The following ATP8B4 variants were observed in gnomAD, a reference collection of about 807,000 sequenced individuals.
ATP8B4 encodes the protein probable phospholipid-transporting ATPase IM.
ATP8B4 carries 133 observed loss-of-function variants against 145.6 expected under a neutral mutation model. The observed-to-expected ratio is 0.91, with a 90% CI of 0.79 to 1.05. ATP8B4 has a LOEUF of 1.05. Among genes scored for constraint, ATP8B4 ranks in the 50% least tolerant of loss-of-function variants. The pLI is 0.00. For synonymous variants in ATP8B4, 507 were observed against 492.9 expected, an observed-to-expected ratio of 1.03 and a Z score of -0.38; for missense variants, 1,458 against 1,425.2, an observed-to-expected ratio of 1.02 and a Z score of -0.37.
At chr15:49,879,515 TCA>T in intron 23 of ATP8B4, 56 bp from the exon 24 acceptor site, 1 of 1,457,108 alleles carries the variant, frequency 6.9e-7, no homozygotes, top group Non-Finnish European at 9.4e-7. Flanking sequence ...GTGAGAATAT[TCA>T]CATTTAGGTT....
At chr15:49,939,586 G>C (rs1472589353) in intron 14 of ATP8B4, among the ~76,000 whole-genome samples, 1 of 152,092 alleles carries the variant, frequency 6.6e-6, no homozygotes, top group Admixed American at 6.6e-5. Flanking sequence ...CCAATATTGA[G>C]TTCTGAAATT....
intron 13 of ATP8B4, among the ~76,000 whole-genome samples, chr15:49,965,283 G>A (rs2044424353): frequency 6.6e-6 from 1 of 152,186 alleles, no homozygotes; most frequent in Non-Finnish European, 1.5e-5. Context: ...TCTTAGTTTT[G>A]TTCAGGGTCA....
At chr15:49,895,448 G>A (rs879698604) in intron 23 of ATP8B4, 1 of 152,152 alleles carries the variant, frequency 6.6e-6, no homozygotes, top group African/African-American at 2.4e-5. Context: ...GGTCAACTGG[G>A]ACTAACAATA....
chr15:49,862,458 TC>T, intron 26 of ATP8B4, 83 bp from the exon 27 acceptor site: 1 of 1,407,656 alleles, frequency 7.1e-7, no homozygotes, highest in South Asian at 1.3e-5. Context: ...TCCTACAAGA[TC>T]TTTTTTTTTT....
At chr15:50,041,222 C>T (rs779235101) in intron 5 of ATP8B4, among the ~76,000 whole-genome samples, 16 of 152,186 alleles carry the variant, frequency 1.1e-4, no homozygotes, top group African/African-American at 3.1e-4. Context: ...AAAAACCACA[C>T]ATTTACTCCA....
intron 1 of ATP8B4, among the ~76,000 whole-genome samples, chr15:50,169,144 C>G (rs975439565): frequency 1.2e-4 from 18 of 152,212 alleles, no homozygotes; most frequent in African/African-American, 4.1e-4. Flanking sequence ...GTTCTAGGGC[C>G]CTGCCCACCA....
At chr15:49,984,098 T>G (rs2046388979) in intron 10 of ATP8B4, among the ~76,000 whole-genome samples, 2 of 152,250 alleles carry the variant, frequency 1.3e-5, no homozygotes, top group African/African-American at 2.4e-5. Context: ...ATTTCACCTA[T>G]AATCTCAGCT....
intron 1 of ATP8B4, among the ~76,000 whole-genome samples, chr15:50,114,103 CTTTTTTTTTTTTT>C (rs755159123): frequency 5.4e-5 from 3 of 55,644 alleles, no homozygotes; most frequent in African/African-American, 2.0e-4. Flanking sequence ...CTCCTAGTTT[CTTTTTTTTTTTTT>C]TTTTTTTTTT....
rs2046123019 is a variant in ATP8B4, at chr15:49,981,205, C to A, written c.837+1G>T. ...TGATATTGCCTAGTTTTGTAACTTA[C>A]CCATAGTACTAGAGTATTCATCAAT... On this transcript the variant is annotated splice_donor_variant, in intron 11 of 27. Coordinates refer to ENST00000284509, the MANE Select transcript of ATP8B4 (RefSeq NM_024837.4). LOFTEE classifies it high-confidence loss of function. 3 of 1,579,176 alleles carry A rather than the reference C, an allele frequency of 1.9e-6. No homozygotes were observed. Among genetic ancestry groups the A allele is most frequent in the Non-Finnish European group, 2.6e-6 (3 of 1,152,656 alleles).
chr15:49,982,007 A>G (rs149490687), intron 10 of ATP8B4, among the ~76,000 whole-genome samples: 679 of 152,330 alleles, frequency 4.5e-3, no homozygotes, highest in South Asian at 0.013. Flanking sequence ...AATATTGTTA[A>G]AGAAATTCCT....
At chr15:49,969,182 A>G (rs2044842885) in intron 13 of ATP8B4, among the ~76,000 whole-genome samples, 1 of 152,246 alleles carries the variant, frequency 6.6e-6, no homozygotes, top group Non-Finnish European at 1.5e-5. Context: ...GGAAAGATCT[A>G]AAATTGACAT....
intron 14 of ATP8B4, among the ~76,000 whole-genome samples, chr15:49,950,190 G>A (rs1247592108): frequency 3.9e-5 from 6 of 152,142 alleles, no homozygotes; most frequent in Non-Finnish European, 8.8e-5. Flanking sequence ...GAGTATGGAG[G>A]AGTCCCTCCT....
intron 2 of ATP8B4, among the ~76,000 whole-genome samples, chr15:50,089,440 C>G (rs1185011151): frequency 6.6e-6 from 1 of 151,998 alleles, no homozygotes; most frequent in Admixed American, 6.6e-5. Context: ...AAGAAAAAAG[C>G]AAACAACCAC....
chr15:50,158,599 A>T (rs2044467274), intron 1 of ATP8B4, among the ~76,000 whole-genome samples: 1 of 152,208 alleles, frequency 6.6e-6, no homozygotes, highest in South Asian at 2.1e-4. Flanking sequence ...CCCGTCTGGG[A>T]GGTATACCCA....
chr15:50,107,891 A>G (rs1204861515), intron 1 of ATP8B4, among the ~76,000 whole-genome samples: 1 of 152,162 alleles, frequency 6.6e-6, no homozygotes, highest in African/African-American at 2.4e-5. Context: ...AAGTTCATCA[A>G]CACGCACTGC....
At chr15:50,108,182 A>G (rs1386627446) in intron 1 of ATP8B4, among the ~76,000 whole-genome samples, 1 of 151,316 alleles carries the variant, frequency 6.6e-6, no homozygotes, top group South Asian at 2.1e-4. Context: ...GCTGCCCAAG[A>G]CCATCCCTCC....
At chr15:49,887,651 C>T (rs2036352337) in intron 23 of ATP8B4, among the ~76,000 whole-genome samples, 1 of 151,372 alleles carries the variant, frequency 6.6e-6, no homozygotes, top group South Asian at 2.1e-4. Context: ...ATAAGTGTCT[C>T]TTCACAGATC....
intron 27 of ATP8B4, among the ~76,000 whole-genome samples, chr15:49,861,473 T>TCTATCTATCTATCTATCTATCTAC (rs1285604644): frequency 7.4e-6 from 1 of 135,594 alleles, no homozygotes; most frequent in African/African-American, 3.0e-5. Context: ...TATCTATCTA[T>TCTATCTATCTATCTATCTATCTAC]CTACCTACCT....
At chr15:49,882,508 A>C (rs1215056587) in intron 23 of ATP8B4, among the ~76,000 whole-genome samples, 2 of 152,252 alleles carry the variant, frequency 1.3e-5, no homozygotes, top group Admixed American at 6.5e-5. Context: ...GTGTGGGATA[A>C]AGACATTATC....
Sources: gnomAD v4.1 joint callset for allele counts (sites outside exome capture counted in the v4.1 genomes callset) on GRCh38, gnomAD v4.1.1 for gene constraint, MANE v1.5 for transcripts, NCBI Gene and HGNC (gene_info 2026-07-23, HGNC 2026-07-21) for gene names.